The following XRCC5 variants were observed in gnomAD, a reference collection of about 807,000 sequenced individuals.
XRCC5 encodes the protein X-ray repair cross complementing 5.
XRCC5 carries 12 observed loss-of-function variants against 95.7 expected under a neutral mutation model. That is an observed-to-expected ratio of 0.13 (90% CI 0.08 to 0.20). The LOEUF is 0.20. Among genes scored for constraint, XRCC5 ranks in the 10% least tolerant of loss-of-function variants. The probability of loss-of-function intolerance (pLI) is 1.00; values close to 1 mark genes in which losing one functional copy is unlikely to be tolerated. For synonymous variants in XRCC5, 281 were observed against 290.3 expected (o/e 0.97, Z 0.33); for missense variants, 595 against 873.9 (o/e 0.68, Z 4.02).
intron 19 of XRCC5, among the ~76,000 whole-genome samples, chr2:216,196,888 A>G (rs1002909401): frequency 3.3e-5 from 5 of 152,234 alleles, no homozygotes; most frequent in East Asian, 1.9e-4. Context: ...TCATTGTCAC[A>G]TGGTGTGAAG....
chr2:216,116,053 C>T (rs41297768), intron 2 of XRCC5, among the ~76,000 whole-genome samples: 1 of 152,064 alleles, frequency 6.6e-6, no homozygotes, highest in Non-Finnish European at 1.5e-5. Flanking sequence ...CATGTTGATA[C>T]GTGTTGCACA....
At chr2:216,113,740 G>A (rs1278394814) in intron 2 of XRCC5, among the ~76,000 whole-genome samples, 1 of 152,214 alleles carries the variant, frequency 6.6e-6, no homozygotes, top group African/African-American at 2.4e-5. Flanking sequence ...TAGTGGCTGT[G>A]AGCTCAGTTG....
At chr2:216,189,244 T>G (rs1429802005) in intron 16 of XRCC5, among the ~76,000 whole-genome samples, 1 of 152,222 alleles carries the variant, frequency 6.6e-6, no homozygotes, top group African/African-American at 2.4e-5. Context: ...AGGCTGTGAT[T>G]TGGGGAAACA....
Position 216,116,800 on chromosome 2 carries a change from G to A in XRCC5, c.277G>A (p.Asp93Asn), listed in dbSNP as rs750161543. 1 of 1,614,166 alleles carries A rather than the reference G, an allele frequency of 6.2e-7. No homozygotes were observed. The highest frequency in any genetic ancestry group is 1.1e-5 in the South Asian group (1 of 91,068). Residue 93 changes from aspartate to asparagine, a missense_variant, in exon 3 of 21, where the codon GAC (aspartate) becomes AAC (asparagine). By Grantham distance (23) the Asp-to-Asn change is conservative. Around this residue, in one of 2 missense-constraint regions of XRCC5, gnomAD observed 286 missense variants for 491.1 expected, o/e 0.58. Coordinates refer to ENST00000392132, the MANE Select transcript of XRCC5 (RefSeq NM_021141.4). ...GCTACCAGATTTTGATTTGCTGGAG[G>A]ACATTGAAAGCAAAATCCAACCAGG... ...LMLPDFDLLEDIESKIQPGSQ... is the reference protein window; with the variant it reads ...LMLPDFDLLENIESKIQPGSQ...
At chr2:216,139,154 A>G (rs1198850252) in intron 12 of XRCC5, among the ~76,000 whole-genome samples, 1 of 152,100 alleles carries the variant, frequency 6.6e-6, no homozygotes, top group Non-Finnish European at 1.5e-5. Context: ...ATATTTAATT[A>G]TTTATTTATT....
intron 13 of XRCC5, among the ~76,000 whole-genome samples, chr2:216,146,342 C>CTT (rs1389497036): frequency 1.3e-5 from 2 of 148,816 alleles, no homozygotes; most frequent in East Asian, 3.9e-4. Context: ...ACCTAAGCAT[C>CTT]TTTTATTTTT....
chr2:216,117,058 C>G, intron 3 of XRCC5: 1 of 577,032 alleles, frequency 1.7e-6, no homozygotes, highest in Non-Finnish European at 3.1e-6. Context: ...TCCCTGTTCT[C>G]TGCATGGGTG....
intron 6 of XRCC5, among the ~76,000 whole-genome samples, chr2:216,122,500 A>G (rs533830496): frequency 6.6e-6 from 1 of 152,330 alleles, no homozygotes; most frequent in African/African-American, 2.4e-5. Context: ...ATATATAGAT[A>G]CCATGAGAAA....
chr2:216,193,468 G>A (rs188560306), intron 18 of XRCC5, among the ~76,000 whole-genome samples: 4 of 152,216 alleles, frequency 2.6e-5, no homozygotes, highest in East Asian at 1.9e-4. Context: ...CTTTCTGTGT[G>A]AATTCTATAT....
chr2:216,163,216 C>T (rs553073166), intron 16 of XRCC5, among the ~76,000 whole-genome samples: 2 of 152,110 alleles, frequency 1.3e-5, no homozygotes, highest in East Asian at 1.9e-4. Context: ...CTCACTATAA[C>T]GTTGGACCTC....
At chr2:216,201,028 A>G (rs1041297523) in intron 19 of XRCC5, among the ~76,000 whole-genome samples, 10 of 152,236 alleles carry the variant, frequency 6.6e-5, no homozygotes, top group Non-Finnish European at 1.3e-4. Flanking sequence ...CTGAGACTCA[A>G]CAACCCCTAA....
At chr2:216,131,850 A>G (rs912293632) in intron 9 of XRCC5, among the ~76,000 whole-genome samples, 4 of 152,094 alleles carry the variant, frequency 2.6e-5, no homozygotes, top group African/African-American at 9.7e-5. Context: ...CTTTTACAGC[A>G]CTCCAGACTT....
intron 16 of XRCC5, among the ~76,000 whole-genome samples, chr2:216,184,532 A>G (rs1689456311): frequency 1.3e-5 from 2 of 152,156 alleles, no homozygotes; most frequent in South Asian, 4.1e-4. Flanking sequence ...GCTGGAGTGC[A>G]GTGGTGAGAT....
At chr2:216,189,206 C>T (rs1402524573) in intron 16 of XRCC5, among the ~76,000 whole-genome samples, 1 of 152,222 alleles carries the variant, frequency 6.6e-6, no homozygotes, top group Non-Finnish European at 1.5e-5. Flanking sequence ...ATTGTGCATA[C>T]ACAGGTAGCT....
At chr2:216,133,692 A>G (rs1400142519) in intron 10 of XRCC5, among the ~76,000 whole-genome samples, 1 of 152,218 alleles carries the variant, frequency 6.6e-6, no homozygotes, top group Non-Finnish European at 1.5e-5. Flanking sequence ...TCATAGGATC[A>G]CTTTGAGATA....
At chr2:216,122,742 T>A in intron 6 of XRCC5, among the ~76,000 whole-genome samples, 1 of 151,002 alleles carries the variant, frequency 6.6e-6, no homozygotes. Context: ...CACAAAGCAG[T>A]TTGATTGAGT....
chr2:216,176,924 T>C (rs1321345322), intron 16 of XRCC5, among the ~76,000 whole-genome samples: 1 of 152,262 alleles, frequency 6.6e-6, no homozygotes, highest in Non-Finnish European at 1.5e-5. Flanking sequence ...AGTTTAAATA[T>C]ATTCTAATGT....
At chr2:216,170,989 G>A (rs1041644543) in intron 16 of XRCC5, among the ~76,000 whole-genome samples, 5 of 152,148 alleles carry the variant, frequency 3.3e-5, no homozygotes, top group African/African-American at 9.7e-5. Context: ...AAGCCCAGCT[G>A]GTTGAAAAAG....
Position 216,161,983 on chromosome 2 carries a change from G to T in XRCC5, c.1769G>T (p.Gly590Val). ...TCATCTGTTGGTATATTTTAGGTTGGAAGTGTGAATCCTGCTGAAAACTTC... is the reference window on the plus strand; with the variant it reads ...TCATCTGTTGGTATATTTTAGGTTGTAAGTGTGAATCCTGCTGAAAACTTC... ...SLAEGSVTSV[G>V]SVNPAENFRV... is the part of the protein sequence containing the mutation. Residue 590 changes from glycine (G) to valine (V), a missense_variant, in exon 16 of 21, where the codon GGA (glycine) becomes GTA (valine). Transcript: ENST00000392132. 2 of 1,614,102 alleles carry T rather than the reference G, an allele frequency of 1.2e-6. No individual in the cohort carries two copies.
Sources: allele counts gnomAD v4.1 joint callset (sites outside exome capture counted in the v4.1 genomes callset), GRCh38; gene constraint gnomAD v4.1.1; regional missense constraint gnomAD v4.1.1; transcripts MANE v1.5; gene names NCBI Gene and HGNC (gene_info 2026-07-23, HGNC 2026-07-21).